The following HPN variants were observed in gnomAD, a reference collection of about 807,000 sequenced individuals.
The protein encoded by HPN is hepsin.
HPN carries 13 observed loss-of-function variants against 55.9 expected under a neutral mutation model. That is an observed-to-expected ratio of 0.23 (90% CI 0.15 to 0.37). The LOEUF is 0.37. HPN is among the 10% of genes least tolerant of loss of function. The pLI is 1.00. For missense variants in HPN, 451 were observed against 575.8 expected (o/e 0.78, Z 2.22); for synonymous variants, 225 against 240.3 (o/e 0.94, Z 0.59).
Position 35,066,511 on chromosome 19 carries a change from ACT to A in HPN, c.*226_*227del. ...TGTAAATATTGTTCTGCTGTCTGGG[ACT>A]CCTGTCTAGGTGCCCCTGATGACGG... On this transcript the variant is annotated 3_prime_UTR_variant, in exon 13 of 13. Transcript: ENST00000672452. 1.7e-6 allele frequency: 1 copy of A among 578,576 alleles called. No homozygotes were observed. Among genetic ancestry groups the A allele is most frequent in the South Asian group, 2.4e-5 (1 of 41,822 alleles). The allele number at this position is 578,576 out of a possible 1,614,324, so 35.8% of individuals were successfully genotyped here.
At chr19:35,041,278 C>T (rs528226567), upstream of HPN, among the ~76,000 whole-genome samples, 6 of 151,618 alleles carry the variant, frequency 4.0e-5, no homozygotes, top group African/African-American at 1.2e-4. Flanking sequence ...GCAGGGCAGG[C>T]GGGAGAGGCT....
chr19:35,042,236 G>A, intron 1 of HPN: 1 of 1,323,178 alleles, frequency 7.6e-7, no homozygotes, highest in Non-Finnish European at 9.6e-7. Flanking sequence ...CTCAGGCATG[G>A]GGGTCCCCAT....
At chr19:35,049,177 A>G in intron 2 of HPN, 113 bp from the exon 3 acceptor site, 1 of 657,652 alleles carries the variant, frequency 1.5e-6, no homozygotes, top group Non-Finnish European at 2.4e-6. Context: ...TGGGGAGGAC[A>G]TGCTTGGGCA....
At chr19:35,046,777 CCTT>C (rs1448241148) in intron 2 of HPN, among the ~76,000 whole-genome samples, 1 of 152,202 alleles carries the variant, frequency 6.6e-6, no homozygotes, top group Admixed American at 6.5e-5. Context: ...TACTCTTTGG[CCTT>C]CTTATAATCC....
intron 4 of HPN, 42 bp downstream of exon 4, chr19:35,049,558 G>A (rs780589518): frequency 2.6e-6 from 4 of 1,556,506 alleles, no homozygotes; most frequent in African/African-American, 2.7e-5. Flanking sequence ...AGCCCTGGAG[G>A]ACACGTGTAT....
upstream of HPN, among the ~76,000 whole-genome samples, chr19:35,040,794 G>A (rs1439186622): frequency 2.0e-5 from 3 of 152,224 alleles, no homozygotes; most frequent in Non-Finnish European, 2.9e-5. Flanking sequence ...GAGGAAGCCA[G>A]GCTAAACCAG....
At chr19:35,043,182 T>C (rs2151751665) in intron 2 of HPN, among the ~76,000 whole-genome samples, 1 of 152,274 alleles carries the variant, frequency 6.6e-6, no homozygotes, top group South Asian at 2.1e-4. Context: ...GGGAGGACTT[T>C]GGACTGGGCC....
chr19:35,062,602 A>G (rs1010215455), intron 9 of HPN, among the ~76,000 whole-genome samples: 1 of 152,132 alleles, frequency 6.6e-6, no homozygotes, highest in Non-Finnish European at 1.5e-5. Flanking sequence ...AGCAGGCTGC[A>G]GTGTAATAAT....
At chr19:35,042,251 G>A in intron 1 of HPN, 1 of 1,334,842 alleles carries the variant, frequency 7.5e-7, no homozygotes, top group Admixed American at 3.6e-5. Flanking sequence ...CCCCATCCCT[G>A]CAAATCCAGG....
rs763630213 is a variant in HPN at position 35,048,064 on chromosome 19, G to GA, written c.17-1223dup. 1.3e-4 allele frequency among the ~76,000 whole-genome samples: 7 copies of GA among 53,508 alleles called. No individual in the cohort carries two copies. In the South Asian group the frequency reaches 2.6e-3, roughly 20 times the overall value. 35.1% of individuals were successfully genotyped at this position (53,508 alleles called of 152,430 possible). A position where few individuals can be genotyped will look rare whatever the true frequency, so the allele number is the denominator to read the frequency against. ...AGAAAGAAAGAAAGAAAGAAAGAAA[G>GA]AAAGAAAGAAAGAAAGAAAAGGAAG... On this transcript the variant is annotated intron_variant, in intron 2 of 12. Transcript: ENST00000672452.
intron 4 of HPN, among the ~76,000 whole-genome samples, chr19:35,056,708 G>A (rs918399908): frequency 2.0e-4 from 31 of 152,104 alleles, no homozygotes; most frequent in African/African-American, 6.5e-4. Context: ...GTGGTTTGCC[G>A]AAAGCAAAGC....
chr19:35,062,183 T>G (rs2064543247), intron 9 of HPN, among the ~76,000 whole-genome samples: 1 of 152,046 alleles, frequency 6.6e-6, no homozygotes, highest in African/African-American at 2.4e-5. Flanking sequence ...AGAAAGTTGA[T>G]TGATGGTGGC....
intron 4 of HPN, among the ~76,000 whole-genome samples, chr19:35,057,223 G>A (rs1203647266): frequency 2.0e-5 from 3 of 152,042 alleles, no homozygotes; most frequent in South Asian, 2.1e-4. Flanking sequence ...TCAGGAGTTC[G>A]AGACCAGCCT....
chr19:35,050,205 C>T (rs1027224923), intron 4 of HPN, among the ~76,000 whole-genome samples: 4 of 152,186 alleles, frequency 2.6e-5, no homozygotes, highest in Non-Finnish European at 5.9e-5. Flanking sequence ...TCACCGCAAC[C>T]TCTGCCTCCC....
intron 2 of HPN, among the ~76,000 whole-genome samples, chr19:35,047,833 C>CA (rs998506906): frequency 2.6e-5 from 4 of 151,500 alleles, no homozygotes; most frequent in African/African-American, 9.7e-5. Context: ...CCCGTCAATA[C>CA]AAAAAATACA....
rs1188327265 is a variant in HPN, at chr19:35,065,906, C to A, written c.1089C>A (p.Ile363=). 1 of 1,614,168 alleles carries A rather than the reference C, an allele frequency of 6.2e-7. No homozygotes were observed. The highest frequency in any genetic ancestry group is 2.2e-5 in the East Asian group (1 of 44,882). ...GTCCCTTTGTGTGTGAGGACAGCAT[C>A]TCTCGGACGCCACGTTGGCGGCTGT... ...SGGPFVCEDS[I]SRTPRWRLCG... The change falls in exon 12 of 13, where the codon ATC becomes ATA. Residue 363 remains isoleucine, a synonymous_variant. Coordinates refer to ENST00000672452, the MANE Select transcript of HPN (RefSeq NM_001384133.1).
intron 4 of HPN, among the ~76,000 whole-genome samples, chr19:35,054,701 C>G (rs1040454622): frequency 6.6e-6 from 1 of 152,188 alleles, no homozygotes; most frequent in Admixed American, 6.5e-5. Flanking sequence ...GGGGAAGCCA[C>G]CCCACCTCTC....
intron 4 of HPN, 34 bp from the exon 5 acceptor site, chr19:35,059,639 G>A: frequency 6.4e-7 from 1 of 1,569,082 alleles, no homozygotes; most frequent in South Asian, 1.2e-5. Flanking sequence ...CTGGCTGTGG[G>A]ACCCAGGCGG....
chr19:35,053,889 C>T (rs1297956114), intron 4 of HPN, among the ~76,000 whole-genome samples: 1 of 152,182 alleles, frequency 6.6e-6, no homozygotes, highest in African/African-American at 2.4e-5. Context: ...TTCCCTGCCC[C>T]AACCCCAGAG....
Sources: gnomAD v4.1 joint callset for allele counts (sites outside exome capture counted in the v4.1 genomes callset) on GRCh38, gnomAD v4.1.1 for gene constraint, MANE v1.5 for transcripts, NCBI Gene and HGNC (gene_info 2026-07-23, HGNC 2026-07-21) for gene names.